Variants in GNAS observed in about 807,000 individuals in gnomAD.
GNAS encodes GNAS complex locus, also known as protein ALEX.
A neutral mutation model predicts 54.5 loss-of-function variants in GNAS; 8 were observed. That is an observed-to-expected ratio of 0.15 (90% CI 0.09 to 0.26). The LOEUF (loss-of-function observed/expected upper bound fraction) is 0.26, where lower values mean the gene tolerates loss of function less well. GNAS is among the 10% of genes least tolerant of loss of function. GNAS has a pLI of 1.00. For synonymous variants in GNAS, 204 were observed against 191.4 expected (o/e 1.07, Z -0.54); for missense variants, 170 against 529.8 (o/e 0.32, Z 6.67).
Position 58,905,374 on chromosome 20 carries a change from C to G in GNAS, c.433-9C>G, listed in dbSNP as rs777732047. On this transcript the variant is annotated splice_polypyrimidine_tract_variant and intron_variant, in intron 5 of 12. Coordinates refer to ENST00000371085, the MANE Select transcript of GNAS (RefSeq NM_000516.7). The stretch of plus-strand genomic sequence containing the variant: ...GCCTTTCTCTAAACTTTCTTGTGTT[C>G]ACTTTCAGGAATTCTATGAGCATGC... The G allele has an allele frequency of 6.6e-7, 1 of 1,513,450 alleles. No individual in the cohort carries two copies. Among genetic ancestry groups the G allele is most frequent in the East Asian group, 2.2e-5 (1 of 44,458 alleles). 93.8% of individuals were successfully genotyped at this position (1,513,450 alleles called of 1,614,324 possible).
At chr20:58,902,657 T>C (rs1005451330) in intron 3 of GNAS, among the ~76,000 whole-genome samples, 2 of 149,872 alleles carry the variant, frequency 1.3e-5, no homozygotes, top group South Asian at 2.2e-4. Context: ...TGGACCAACA[T>C]GCACTAACAT....
At chr20:58,871,558 G>T (rs1249388157) in intron 1 of GNAS, among the ~76,000 whole-genome samples, 1 of 146,230 alleles carries the variant, frequency 6.8e-6, no homozygotes, top group Non-Finnish European at 1.5e-5. Context: ...GGTTTGCAGT[G>T]AGCCGAGATT....
At chr20:58,867,365 C>T (rs1399931031) in intron 1 of GNAS, 1 of 152,206 alleles carries the variant, frequency 6.6e-6, no homozygotes, top group African/African-American at 2.4e-5. Context: ...GATGGACACT[C>T]CCAGGAGGGC....
At chr20:58,902,725 CTTTTTTTTT>C (rs60022134) in intron 3 of GNAS, among the ~76,000 whole-genome samples, 846 of 69,510 alleles carry the variant, frequency 0.012, 31 homozygotes, top group African/African-American at 0.052. Flanking sequence ...GCACATACGA[CTTTTTTTTT>C]TTTTTTTTTT....
At chr20:58,840,056 C>G, upstream of GNAS, 1 of 1,601,400 alleles carries the variant, frequency 6.2e-7, no homozygotes. This position sits in a 1 kb window ranked among gnomAD's most constrained non-coding sequence, Gnocchi z 6.0. Context: ...TTCGGAGCCA[C>G]TCTCTGCAGA....
chr20:58,903,840 C>T, intron 5 of GNAS, 49 bp downstream of exon 5: 1 of 1,608,512 alleles, frequency 6.2e-7, no homozygotes, highest in Non-Finnish European at 8.5e-7. Context: ...CACCTGAGCA[C>T]AGTGTCCATA....
intron 1 of GNAS, chr20:58,850,690 T>A (rs1389486103): frequency 5.0e-6 from 2 of 398,920 alleles, no homozygotes; most frequent in Non-Finnish European, 8.8e-6. Context: ...CCCCGTTGGC[T>A]GGGTTAGCCT....
intron 6 of GNAS, among the ~76,000 whole-genome samples, chr20:58,907,185 A>C (rs117041046): frequency 1.0e-3 from 157 of 152,342 alleles, no homozygotes; most frequent in Non-Finnish European, 1.9e-3. Context: ...GGGTCTGCGC[A>C]ATCTATCAAC....
Position 58,909,833 on chromosome 20 carries a change from G to A in GNAS, c.839+29G>A, listed in dbSNP as rs752087410. On this transcript the variant is annotated intron_variant, in intron 10 of 12. Transcript: ENST00000371085. The surrounding 1 kb of genome is among the most constrained non-coding windows in gnomAD (Gnocchi z 7.3). ...TGTGGAGTGACCGCCCACCCCCTGC[G>A]CTTGCCCAGGAGGCCCTGGTCTGCA... The A allele has an allele frequency of 6.2e-6, 10 of 1,612,718 alleles. No homozygotes were observed. Among genetic ancestry groups the A allele is most frequent in the South Asian group, 1.1e-5 (1 of 91,054 alleles).
At chr20:58,848,505 G>C (rs1214082007) in intron 1 of GNAS, among the ~76,000 whole-genome samples, 1 of 152,154 alleles carries the variant, frequency 6.6e-6, no homozygotes, top group African/African-American at 2.4e-5. Flanking sequence ...GGAAAGCTAT[G>C]TTTAAGGTAC....
Position 58,853,344 on chromosome 20 carries a change from G to T in GNAS, c.43+12458G>T. On this transcript the variant is annotated intron_variant, in intron 1 of 12. Coordinates refer to the GNAS transcript ENST00000306090. This position sits in a 1 kb window ranked among gnomAD's most constrained non-coding sequence, Gnocchi z 4.4. The stretch of plus-strand genomic sequence containing the variant: ...CCCCCCTGAAATCGGGGAACAGCCC[G>T]AGCAACCACCTTTGGAGGCCCCAGG... The T allele has an allele frequency of 6.4e-7, 1 of 1,551,440 alleles. No homozygotes were observed. Among genetic ancestry groups the T allele is most frequent in the Non-Finnish European group, 8.7e-7 (1 of 1,147,416 alleles).
chr20:58,902,591 C>T (rs1157281929), intron 3 of GNAS, among the ~76,000 whole-genome samples: 1 of 152,044 alleles, frequency 6.6e-6, no homozygotes, highest in Non-Finnish European at 1.5e-5. Flanking sequence ...CCTCCCCTCC[C>T]CCTTAGATTA....
rs2086243538 is a variant in GNAS, at chr20:58,852,967, G to C, written c.43+12081G>C. On this transcript the variant is annotated intron_variant, in intron 1 of 12. Transcript: ENST00000306090. ...GACTGGCCTGGAGCAAAAAGAAAGA[G>C]AGAGGAGGGCGTAAGGATAGACCAA... is the stretch of plus-strand genomic sequence containing the variant. 4 of 1,134,934 alleles carry C rather than the reference G, an allele frequency of 3.5e-6. No homozygotes were observed. In the East Asian group the frequency reaches 1.7e-4, roughly 47 times the overall value. 70.3% of individuals were successfully genotyped at this position (1,134,934 alleles called of 1,614,324 possible).
At chr20:58,894,710 T>C (rs2089879432) in intron 1 of GNAS, among the ~76,000 whole-genome samples, 1 of 152,234 alleles carries the variant, frequency 6.6e-6, no homozygotes, top group Non-Finnish European at 1.5e-5. Flanking sequence ...GAGGCATGTG[T>C]TTCTACTCTT....
intron 1 of GNAS, among the ~76,000 whole-genome samples, chr20:58,874,227 G>A (rs1052825878): frequency 3.3e-5 from 5 of 152,226 alleles, no homozygotes; most frequent in African/African-American, 1.2e-4. Context: ...GAGGGTTACT[G>A]GCCATGCTGA....
chr20:58,889,096 G>A (rs1041694345), upstream of GNAS: 126 of 1,080,774 alleles, frequency 1.2e-4, no homozygotes, highest in African/African-American at 1.2e-3. Flanking sequence ...GGTTTATAGG[G>A]GCCGCTGCTA....
At chr20:58,899,430 T>C (rs774609569) in intron 3 of GNAS, 1 of 534,204 alleles carries the variant, frequency 1.9e-6, no homozygotes, top group Non-Finnish European at 3.7e-6. Context: ...AAATATGCAA[T>C]GCTGCACCGT....
At chr20:58,852,829 C>T (rs907128819) in intron 1 of GNAS, 12 of 242,464 alleles carry the variant, frequency 4.9e-5, no homozygotes, top group Non-Finnish European at 8.6e-5. Flanking sequence ...GGAGCAGGCT[C>T]CTGGAGCCGG....
At chr20:58,842,696 G>C in intron 1 of GNAS, 1 of 395,630 alleles carries the variant, frequency 2.5e-6, no homozygotes. Context: ...AAACAATGAT[G>C]GTGTGTTGGC....
Sources: gnomAD v4.1 joint callset for allele counts (sites outside exome capture counted in the v4.1 genomes callset) on GRCh38, gnomAD v4.1.1 for gene constraint, Gnocchi (gnomAD v3.1) non-coding constraint, MANE v1.5 for transcripts, NCBI Gene and HGNC (gene_info 2026-07-23, HGNC 2026-07-21) for gene names.